Variants in LMOD1 observed in about 807,000 individuals in gnomAD.
The protein encoded by LMOD1 is leiomodin 1, also known as leiomodin-1.
Under a neutral mutation model 36.5 loss-of-function variants are expected in LMOD1, and 8 were observed. The observed-to-expected ratio is 0.22, with a 90% CI of 0.13 to 0.40. The LOEUF (loss-of-function observed/expected upper bound fraction) is 0.40, where lower values mean the gene tolerates loss of function less well. Ranked by LOEUF, LMOD1 falls within the 10% of genes least tolerant of loss-of-function variation. The probability of loss-of-function intolerance (pLI) is 1.00; values close to 1 mark genes in which losing one functional copy is unlikely to be tolerated. For missense variants in LMOD1, 630 were observed against 751.1 expected (o/e 0.84, Z 1.88); for synonymous variants, 284 against 288.7 (o/e 0.98, Z 0.17).
chr1:201,910,005 A>G (rs1027736508), intron 1 of LMOD1, among the ~76,000 whole-genome samples: 1 of 152,180 alleles, frequency 6.6e-6, no homozygotes, highest in African/African-American at 2.4e-5. Context: ...CAACACTGAA[A>G]TAAGAATGTT....
chr1:201,938,239 C>T (rs1682049572), intron 1 of LMOD1, among the ~76,000 whole-genome samples: 1 of 151,844 alleles, frequency 6.6e-6, no homozygotes, highest in South Asian at 2.1e-4. Flanking sequence ...AGGCAATTCT[C>T]CTGCCTCAGC....
intron 1 of LMOD1, among the ~76,000 whole-genome samples, chr1:201,924,726 A>G (rs1276323012): frequency 6.7e-6 from 1 of 148,468 alleles, no homozygotes; most frequent in East Asian, 2.0e-4. Flanking sequence ...AGAAAGAAAG[A>G]AAGAAAAGAA....
At position 201,946,201 on chromosome 1, in the gene LMOD1, A is replaced by G. The variant is rs1346778076; in HGVS notation, c.140T>C (p.Val47Ala). 2 of 1,613,900 alleles carry G rather than the reference A, an allele frequency of 1.2e-6. No homozygotes were observed. The highest frequency in any genetic ancestry group is 2.2e-5 in the East Asian group (1 of 44,878). The change falls in exon 1 of 3, where the codon GTG becomes GCG. Residue 47 changes from valine (V) to alanine (A), a missense_variant. Transcript: ENST00000367288. ...CGTCTGGTTTCTCTGCCGCAGCCCCACGGGAACACTCCCGTCTGGGTCCAC... is the reference window on the plus strand; with the variant it reads ...CGTCTGGTTTCTCTGCCGCAGCCCCGCGGGAACACTCCCGTCTGGGTCCAC... ...DVVDPDGSVP[V>A]GLRQRNQTEK...
At position 201,946,342 on chromosome 1, in the gene LMOD1, T is replaced by C; in HGVS notation, c.-2A>G. ...GCGATATTTGGCTACTCTAGACATC[T>C]TGGCAAAATGGGCTGTGGCTGCCAG... is the stretch of plus-strand genomic sequence containing the variant. On this transcript the variant is annotated 5_prime_UTR_variant, in exon 1 of 3. Coordinates refer to ENST00000367288, the MANE Select transcript of LMOD1 (RefSeq NM_012134.3). The C allele has an allele frequency of 6.2e-7, 1 of 1,612,832 alleles. No individual in the cohort carries two copies. Among genetic ancestry groups the C allele is most frequent in the Non-Finnish European group, 8.5e-7 (1 of 1,178,938 alleles).
intron 1 of LMOD1, among the ~76,000 whole-genome samples, chr1:201,916,570 A>G (rs1476824974): frequency 7.3e-6 from 1 of 137,414 alleles, no homozygotes; most frequent in African/African-American, 2.6e-5. Flanking sequence ...TTTTATGAAA[A>G]AGAAACAAAA....
At position 201,913,856 on chromosome 1, in the gene LMOD1, G is replaced by A. The variant is rs190281682; in HGVS notation, c.262-13105C>T. On this transcript the variant is annotated intron_variant, in intron 1 of 2. Transcript: ENST00000367288. Reference sequence around the variant, plus strand: ...GTATGTATATACCTTGATAATTTTAGCATTTTATGTAAATTATACATAAAA... The same window carrying A: ...GTATGTATATACCTTGATAATTTTAACATTTTATGTAAATTATACATAAAA... 1.8e-3 allele frequency among the ~76,000 whole-genome samples: 268 copies of A among 152,096 alleles called. 3 individuals are homozygous for A. Among genetic ancestry groups the A allele is most frequent in the African/African-American group, 6.2e-3 (256 of 41,478 alleles).
At chr1:201,943,357 G>A (rs377652577) in intron 1 of LMOD1, among the ~76,000 whole-genome samples, 2 of 152,368 alleles carry the variant, frequency 1.3e-5, no homozygotes, top group East Asian at 3.9e-4. Context: ...AAAGGTGAAT[G>A]TGCTCGGCAT....
At position 201,926,890 on chromosome 1, in the gene LMOD1, G is replaced by A. The variant is rs116411708; in HGVS notation, c.261+19190C>T. On this transcript the variant is annotated intron_variant, in intron 1 of 2. Transcript: ENST00000367288. ...AAAAATTAGCTGGGAGTGGTGGCAC[G>A]TGGGAGCAGTAAGCTGAGATTGCAC... is the stretch of plus-strand genomic sequence containing the variant. Among the ~76,000 whole-genome samples, 184 of 152,220 alleles carry A rather than the reference G, an allele frequency of 1.2e-3. 1 individual carries two copies. Among genetic ancestry groups the A allele is most frequent in the Non-Finnish European group, 1.7e-3 (114 of 68,002 alleles).
Position 201,946,142 on chromosome 1 carries a change from C to T in LMOD1, c.199G>A (p.Ala67Thr), listed in dbSNP as rs1558245687. The change falls in exon 1 of 3, where the codon GCC becomes ACC. Residue 67 changes from alanine to threonine, a missense_variant. By Grantham distance (58) the Ala-to-Thr change is moderately conservative. This residue lies in a region of LMOD1 where 405 missense variants were observed against 400.6 expected (regional missense o/e 1.01). Transcript: ENST00000367288. ...TCCTTTTCACAGAAGTTGAGCATGG[C>T]CTCCCGGTTGTACACACCCGTGGAC... is the stretch of plus-strand genomic sequence containing the variant. ...KQSTGVYNRE[A>T]MLNFCEKETK... 6.2e-7 allele frequency: 1 copy of T among 1,613,966 alleles called. No homozygotes were observed.
chr1:201,930,001 G>A (rs1681892170), intron 1 of LMOD1, among the ~76,000 whole-genome samples: 1 of 152,168 alleles, frequency 6.6e-6, no homozygotes, highest in Admixed American at 6.5e-5. Context: ...ATGAGGGTTG[G>A]CTAGGCTTGG....
intron 1 of LMOD1, among the ~76,000 whole-genome samples, chr1:201,942,563 G>A (rs1422830958): frequency 6.6e-6 from 1 of 152,140 alleles, no homozygotes; most frequent in East Asian, 1.9e-4. Flanking sequence ...TGGCAGCCTA[G>A]ACTCACTTTG....
intron 1 of LMOD1, among the ~76,000 whole-genome samples, chr1:201,925,617 C>T (rs1200936650): frequency 6.7e-6 from 1 of 150,028 alleles, no homozygotes; most frequent in African/African-American, 2.5e-5. Flanking sequence ...AGTTGACCTT[C>T]TCTTCTTGAC....
intron 1 of LMOD1, among the ~76,000 whole-genome samples, chr1:201,929,527 G>A (rs150950793): frequency 0.014 from 2,115 of 152,304 alleles, 21 homozygotes; most frequent in Non-Finnish European, 0.023. Context: ...ACCTCAGAGT[G>A]TAAATTTTAG....
chr1:201,933,023 T>A (rs1019830125), intron 1 of LMOD1, among the ~76,000 whole-genome samples: 1 of 152,146 alleles, frequency 6.6e-6, no homozygotes, highest in Non-Finnish European at 1.5e-5. Flanking sequence ...TTTGTAATAG[T>A]CCCAGACTGG....
At chr1:201,905,013 C>G (rs188585945) in intron 1 of LMOD1, among the ~76,000 whole-genome samples, 36 of 152,350 alleles carry the variant, frequency 2.4e-4, no homozygotes, top group African/African-American at 8.7e-4. Context: ...GTCGCTAGAC[C>G]TTACTCAACT....
Position 201,900,227 on chromosome 1 carries a change from T to C in LMOD1, c.786A>G (p.Thr262=). ...CTTTTTCATCGTCCTTTTTGGTGTC[T>C]GTGTTCCCAGTTCCTCTTTTTACCT... The part of the protein sequence containing the change: ...DEKVKRGTGN[T]DTKKDDEKVK... Residue 262 remains threonine, a synonymous_variant, in exon 2 of 3, where the codon ACA becomes ACG. Transcript: ENST00000367288. 6.2e-7 allele frequency: 1 copy of C among 1,613,974 alleles called. No homozygotes were observed. The highest frequency in any genetic ancestry group is 1.3e-5 in the African/African-American group (1 of 75,034).
At chr1:201,938,879 T>A (rs995443039) in intron 1 of LMOD1, among the ~76,000 whole-genome samples, 3 of 152,234 alleles carry the variant, frequency 2.0e-5, no homozygotes, top group African/African-American at 7.2e-5. Context: ...TTGGCTTTTC[T>A]GAGCTTGTGC....
At position 201,899,816 on chromosome 1, in the gene LMOD1, G is replaced by T; in HGVS notation, c.1197C>A (p.Ile399=). The T allele has an allele frequency of 6.2e-7, 1 of 1,614,046 alleles. No individual in the cohort carries two copies. The highest frequency in any genetic ancestry group is 8.5e-7 in the Non-Finnish European group (1 of 1,179,888). The change falls in exon 2 of 3, where the codon ATC becomes ATA. Residue 399 remains isoleucine, a synonymous_variant. Coordinates refer to ENST00000367288, the MANE Select transcript of LMOD1 (RefSeq NM_012134.3). This position sits in a 1 kb window ranked among gnomAD's most constrained non-coding sequence, Gnocchi z 6.3. ...ITSLNLDSNH[I]TGKGILAIFR... Reference sequence around the variant, plus strand: ...AGATGGCCAGGATGCCTTTGCCTGTGATGTGGTTGGAGTCCAGGTTGAGGC... The same window carrying T: ...AGATGGCCAGGATGCCTTTGCCTGTTATGTGGTTGGAGTCCAGGTTGAGGC...
At chr1:201,925,355 A>G (rs1571586827) in intron 1 of LMOD1, among the ~76,000 whole-genome samples, 1 of 152,376 alleles carries the variant, frequency 6.6e-6, no homozygotes, top group South Asian at 2.1e-4. Context: ...AAAAGAGATA[A>G]CGTATGTGGA....
Sources: gnomAD v4.1 joint callset for allele counts (sites outside exome capture counted in the v4.1 genomes callset) on GRCh38, gnomAD v4.1.1 for gene constraint, gnomAD v4.1.1 regional missense constraint, Gnocchi (gnomAD v3.1) non-coding constraint, MANE v1.5 for transcripts, NCBI Gene and HGNC (gene_info 2026-07-23, HGNC 2026-07-21) for gene names.